The following MYOM2 variants were observed in gnomAD, a reference collection of about 807,000 sequenced individuals.
MYOM2 encodes the protein myomesin-2.
Under a neutral mutation model 187.6 loss-of-function variants are expected in MYOM2, and 254 were observed. That is an observed-to-expected ratio of 1.35 (90% CI 1.22 to 1.50). MYOM2 has a LOEUF of 1.50. MYOM2 is among the 40% of genes most tolerant of loss of function. The pLI is 0.00. For missense variants in MYOM2, 2,796 were observed against 1,924.0 expected (o/e 1.45, Z -8.48); for synonymous variants, 981 against 753.8 (o/e 1.30, Z -4.94).
intron 23 of MYOM2, among the ~76,000 whole-genome samples, chr8:2,107,461 G>A (rs1796932070): frequency 6.6e-6 from 1 of 152,174 alleles, no homozygotes; most frequent in Non-Finnish European, 1.5e-5. Context: ...TGTCCTGGTT[G>A]ATATCATGCA....
intron 1 of MYOM2, among the ~76,000 whole-genome samples, chr8:2,047,160 T>G (rs1818336614): frequency 6.6e-6 from 1 of 152,174 alleles, no homozygotes; most frequent in South Asian, 2.1e-4. Flanking sequence ...AGGGTGCATT[T>G]GGCAAGTCCT....
At chr8:2,096,144 C>T (rs1585897134) in intron 17 of MYOM2, 103 bp from the exon 18 acceptor site, 4 of 1,116,490 alleles carry the variant, frequency 3.6e-6, no homozygotes, top group African/African-American at 1.6e-5. Flanking sequence ...AGGCCCGTCT[C>T]CACGTTGCTT....
intron 8 of MYOM2, among the ~76,000 whole-genome samples, chr8:2,071,748 A>G (rs1819228778): frequency 6.6e-6 from 1 of 152,160 alleles, no homozygotes; most frequent in Non-Finnish European, 1.5e-5. Context: ...GCAAACACTT[A>G]TCCTCTCTGT....
intron 11 of MYOM2, among the ~76,000 whole-genome samples, chr8:2,077,684 A>T (rs1196886793): frequency 6.6e-6 from 1 of 152,092 alleles, no homozygotes; most frequent in African/African-American, 2.4e-5. Context: ...CGCCATGTTG[A>T]CAAAAACCAT....
intron 25 of MYOM2, among the ~76,000 whole-genome samples, chr8:2,112,620 A>G (rs3779834): frequency 0.17 from 25,931 of 152,094 alleles, 2,236 homozygotes; most frequent in East Asian, 0.24. Context: ...CTTAGAAACA[A>G]TGCTGAAGAA....
Position 2,098,911 on chromosome 8 carries a change from C to T in MYOM2, c.2368C>T (p.Leu790=). The change falls in exon 19 of 37, where the codon CTG becomes TTG. Residue 790 remains leucine (L), a synonymous_variant. Transcript: ENST00000262113. ...CGAGTTCAAAATCGCCGCCGTCAAC[C>T]TGGCCGGCATCGGGGAGCCCTCAGA... ...LYEFKIAAVN[L]AGIGEPSDPS... 1 of 1,613,356 alleles carries T rather than the reference C, an allele frequency of 6.2e-7. No homozygotes were observed. Among genetic ancestry groups the T allele is most frequent in the Non-Finnish European group, 8.5e-7 (1 of 1,179,748 alleles).
Position 2,085,400 on chromosome 8 carries a change from G to C in MYOM2, c.1644+10G>C. 1 of 1,599,848 alleles carries C rather than the reference G, an allele frequency of 6.3e-7. No homozygotes were observed. The highest frequency in any genetic ancestry group is 8.5e-7 in the Non-Finnish European group (1 of 1,173,664). ...GTACTTCATTGAGAAGGTAAACTCC[G>C]GGCCCGTGTCCTGGAAAAGTAGATC... On this transcript the variant is annotated intron_variant, in intron 14 of 36. Transcript: ENST00000262113.
intron 13 of MYOM2, 148 bp from the exon 14 acceptor site, chr8:2,085,115 G>T (rs1247482754): frequency 1.1e-6 from 1 of 879,560 alleles, no homozygotes; most frequent in East Asian, 2.6e-5. Context: ...TGGTTCCAAG[G>T]AAGCATCTTT....
Position 2,106,386 on chromosome 8 carries a change from C to A in MYOM2, c.2879C>A (p.Thr960Asn). ...GATGATGAGAGGTTTAAAATTGAAACCGTGGGGGATCAGTAAGTGAGGCCT... is the reference window on the plus strand; with the variant it reads ...GATGATGAGAGGTTTAAAATTGAAAACGTGGGGGATCAGTAAGTGAGGCCT... ...ISDDERFKIE[T>N]VGDHSKLYLK... is the part of the protein sequence containing the mutation. Residue 960 changes from threonine (T) to asparagine (N), a missense_variant, in exon 22 of 37, where the codon ACC becomes AAC. By Grantham distance (65) the Thr-to-Asn change is moderately conservative. Coordinates refer to ENST00000262113, the MANE Select transcript of MYOM2 (RefSeq NM_003970.4). 2 of 1,614,016 alleles carry A rather than the reference C, an allele frequency of 1.2e-6. No individual in the cohort carries two copies. The highest frequency in any genetic ancestry group is 4.5e-5 in the East Asian group (2 of 44,884).
At chr8:2,126,120 A>T (rs1182458892) in intron 31 of MYOM2, among the ~76,000 whole-genome samples, 1 of 152,200 alleles carries the variant, frequency 6.6e-6, no homozygotes, top group Admixed American at 6.5e-5. Context: ...GTGAGTGTTT[A>T]TAAGGAAAAT....
At chr8:2,123,521 C>T (rs1332551617) in intron 29 of MYOM2, 34 bp from the exon 30 acceptor site, 1 of 1,583,338 alleles carries the variant, frequency 6.3e-7, no homozygotes, top group Non-Finnish European at 8.7e-7. Flanking sequence ...GCAGTATTGA[C>T]TTTACATAAA....
intron 14 of MYOM2, among the ~76,000 whole-genome samples, chr8:2,089,535 C>T (rs557295462): frequency 1.3e-5 from 2 of 152,308 alleles, no homozygotes; most frequent in South Asian, 4.1e-4. Context: ...AACATATCAT[C>T]ATGTGTCTGA....
chr8:2,123,138 T>TA (rs1797514037), intron 28 of MYOM2, 114 bp from the exon 29 acceptor site: 1 of 660,442 alleles, frequency 1.5e-6, no homozygotes, highest in African/African-American at 1.8e-5. Context: ...CTGTCTATAG[T>TA]AAAAACTAAG....
At chr8:2,114,029 G>A (rs1005200992) in intron 25 of MYOM2, among the ~76,000 whole-genome samples, 1 of 152,162 alleles carries the variant, frequency 6.6e-6, no homozygotes, top group Non-Finnish European at 1.5e-5. Flanking sequence ...TGGGGGAAGG[G>A]AGGCAGAGCT....
chr8:2,070,826 T>C (rs1819188604), intron 8 of MYOM2, among the ~76,000 whole-genome samples: 1 of 152,240 alleles, frequency 6.6e-6, no homozygotes, highest in Non-Finnish European at 1.5e-5. Context: ...TTAACCATTG[T>C]ACAGCGTACA....
intron 27 of MYOM2, among the ~76,000 whole-genome samples, chr8:2,117,064 C>T (rs948511107): frequency 6.6e-6 from 1 of 152,046 alleles, no homozygotes; most frequent in African/African-American, 2.4e-5. Flanking sequence ...CGCCCAGCCT[C>T]AAAAAACATT....
chr8:2,092,609 T>G, intron 16 of MYOM2, 89 bp downstream of exon 16: 1 of 1,378,948 alleles, frequency 7.3e-7, no homozygotes, highest in Non-Finnish European at 9.9e-7. Context: ...GGGAGTACCA[T>G]GGCCGCAAGG....
intron 14 of MYOM2, among the ~76,000 whole-genome samples, chr8:2,086,393 TGTTGTGATCTCTGCGTGGCCTC>T: frequency 2.9e-5 from 1 of 34,426 alleles, no homozygotes; most frequent in African/African-American, 1.7e-4. Flanking sequence ...GGCCTCCCAC[TGTTGTGATCTCTGCGTGGCCTC>T]CCACTGTTGT....
intron 32 of MYOM2, among the ~76,000 whole-genome samples, chr8:2,133,951 C>A (rs752964791): frequency 6.6e-6 from 1 of 151,818 alleles, no homozygotes; most frequent in Non-Finnish European, 1.5e-5. Flanking sequence ...CCACCCTCTT[C>A]CCCTGAGGTT....
Sources: allele counts gnomAD v4.1 joint callset (sites outside exome capture counted in the v4.1 genomes callset), GRCh38; gene constraint gnomAD v4.1.1; transcripts MANE v1.5; gene names NCBI Gene and HGNC (gene_info 2026-07-23, HGNC 2026-07-21).